The following IMMP2L variants were observed in gnomAD, a reference collection of about 807,000 sequenced individuals.
The protein encoded by IMMP2L is mitochondrial inner membrane protease subunit 2.
A neutral mutation model predicts 19.3 loss-of-function variants in IMMP2L; 18 were observed. The ratio of observed to expected loss-of-function variants is 0.93; its 90% confidence interval spans 0.64 to 1.38. IMMP2L has a LOEUF of 1.38. Ranked by LOEUF, IMMP2L falls within the 40% of genes most tolerant of loss-of-function variation. The pLI, the probability that IMMP2L is intolerant of heterozygous loss-of-function variation, is 0.00. For missense variants in IMMP2L, 233 were observed against 218.2 expected (o/e 1.07, Z -0.43); for synonymous variants, 76 against 73.0 (o/e 1.04, Z -0.21).
intron 3 of IMMP2L, among the ~76,000 whole-genome samples, chr7:111,309,510 C>A (rs6962665): frequency 0.31 from 47,281 of 151,794 alleles, 8,030 homozygotes; most frequent in South Asian, 0.59. Flanking sequence ...TCTCCCTGGT[C>A]AAAGAATTGA....
At chr7:111,111,656 T>C (rs878953762) in intron 3 of IMMP2L, among the ~76,000 whole-genome samples, 3 of 152,018 alleles carry the variant, frequency 2.0e-5, no homozygotes, top group Admixed American at 2.0e-4. Context: ...AATCAACTAA[T>C]GTCCCCCCCT....
At chr7:110,868,496 T>C (rs978921807) in intron 5 of IMMP2L, among the ~76,000 whole-genome samples, 3 of 152,072 alleles carry the variant, frequency 2.0e-5, no homozygotes, top group African/African-American at 4.8e-5. Context: ...GTTCAAATCA[T>C]AGCAAATTTA....
intron 3 of IMMP2L, among the ~76,000 whole-genome samples, chr7:111,180,071 T>A (rs1051502662): frequency 6.6e-6 from 1 of 152,036 alleles, no homozygotes; most frequent in Admixed American, 6.6e-5. Flanking sequence ...TTTCTCCATA[T>A]CAGCAATAAG....
chr7:111,106,710 A>G, intron 3 of IMMP2L, among the ~76,000 whole-genome samples: 1 of 148,166 alleles, frequency 6.7e-6, no homozygotes, highest in Non-Finnish European at 1.5e-5. Flanking sequence ...TCTAGGATGC[A>G]CATAAAAACT....
At chr7:110,838,071 T>A (rs949230366) in intron 5 of IMMP2L, among the ~76,000 whole-genome samples, 2 of 152,142 alleles carry the variant, frequency 1.3e-5, no homozygotes, top group African/African-American at 2.4e-5. Context: ...AAGATATGCA[T>A]TTAACATCAT....
chr7:110,678,991 C>A (rs1242179784), intron 5 of IMMP2L, among the ~76,000 whole-genome samples: 2 of 152,098 alleles, frequency 1.3e-5, no homozygotes, highest in Non-Finnish European at 2.9e-5. Context: ...TAACTTTAAT[C>A]ATTTCAAAGC....
At chr7:110,951,267 T>C (rs1043367083) in intron 4 of IMMP2L, among the ~76,000 whole-genome samples, 1 of 150,650 alleles carries the variant, frequency 6.6e-6, no homozygotes, top group Non-Finnish European at 1.5e-5. Context: ...GTAGATCTCA[T>C]ATAAAGTATT....
chr7:111,190,033 C>A (rs543033331), intron 3 of IMMP2L, among the ~76,000 whole-genome samples: 3 of 152,020 alleles, frequency 2.0e-5, no homozygotes, highest in African/African-American at 7.2e-5. Flanking sequence ...ATTAACATGG[C>A]CAGTTGACAG....
At chr7:111,294,602 A>G (rs1412796594) in intron 3 of IMMP2L, among the ~76,000 whole-genome samples, 2 of 151,876 alleles carry the variant, frequency 1.3e-5, no homozygotes, top group Admixed American at 6.6e-5. Flanking sequence ...CGTGGCAACA[A>G]AACCATCAGG....
At chr7:110,959,587 G>T (rs1818721542) in intron 4 of IMMP2L, among the ~76,000 whole-genome samples, 1 of 151,964 alleles carries the variant, frequency 6.6e-6, no homozygotes, top group African/African-American at 2.4e-5. Flanking sequence ...CAAAGGGAAA[G>T]AAGTTTTTAA....
intron 2 of IMMP2L, chr7:111,492,384 G>A: frequency 1.0e-6 from 1 of 983,948 alleles, no homozygotes; most frequent in Non-Finnish European, 1.2e-6. Flanking sequence ...CATAAGTCAG[G>A]TCCAGTTTCT....
intron 4 of IMMP2L, among the ~76,000 whole-genome samples, chr7:110,929,769 A>T (rs1815268636): frequency 6.6e-6 from 1 of 152,202 alleles, no homozygotes; most frequent in African/African-American, 2.4e-5. Flanking sequence ...AAATAACAAA[A>T]AGGTTTTGCA....
At chr7:110,866,451 C>T (rs1807990771) in intron 5 of IMMP2L, among the ~76,000 whole-genome samples, 4 of 151,680 alleles carry the variant, frequency 2.6e-5, no homozygotes, top group Admixed American at 2.6e-4. Flanking sequence ...TCCAGGAACT[C>T]AGTACCAACT....
intron 3 of IMMP2L, among the ~76,000 whole-genome samples, chr7:111,185,007 G>A (rs1808112209): frequency 6.6e-6 from 1 of 152,174 alleles, no homozygotes; most frequent in South Asian, 2.1e-4. Context: ...TTTCGAGATA[G>A]TTACTGTTTT....
chr7:111,417,639 T>C (rs1585021291), intron 3 of IMMP2L, among the ~76,000 whole-genome samples: 1 of 151,662 alleles, frequency 6.6e-6, no homozygotes, highest in Non-Finnish European at 1.5e-5. Context: ...TTGTGGCAAA[T>C]GGGAGAGAAG....
chr7:110,886,290 C>T (rs1810211652), intron 5 of IMMP2L, among the ~76,000 whole-genome samples: 1 of 151,674 alleles, frequency 6.6e-6, no homozygotes, highest in Non-Finnish European at 1.5e-5. Context: ...AAAGTATTCC[C>T]GTGGGAGAAA....
At chr7:111,018,859 G>C (rs1825984376) in intron 3 of IMMP2L, among the ~76,000 whole-genome samples, 1 of 147,152 alleles carries the variant, frequency 6.8e-6, no homozygotes, top group African/African-American at 2.5e-5. Flanking sequence ...TATTTTTTAT[G>C]AATACTCATT....
At chr7:111,357,252 A>G (rs998047858) in intron 3 of IMMP2L, among the ~76,000 whole-genome samples, 8 of 152,192 alleles carry the variant, frequency 5.3e-5, no homozygotes, top group Admixed American at 5.2e-4. Flanking sequence ...ATTTTTAAAT[A>G]CCATGCAGCA....
At position 111,043,780 on chromosome 7, in the gene IMMP2L, A is replaced by G. The variant is rs532856222; in HGVS notation, c.240-80215T>C. Among the ~76,000 whole-genome samples, 7 of 152,332 alleles carry G rather than the reference A, an allele frequency of 4.6e-5. No individual in the cohort carries two copies. The South Asian group carries it at 1.2e-3, about 27-fold the overall frequency. On this transcript the variant is annotated intron_variant, in intron 3 of 5. Transcript: ENST00000405709. ...CTTAGTTAATATGTACTAGACAAGA[A>G]AGTAGCTTAGAAGACAATGCTTTTA...
Sources: gnomAD v4.1 joint callset for allele counts (sites outside exome capture counted in the v4.1 genomes callset) on GRCh38, gnomAD v4.1.1 for gene constraint, MANE v1.5 for transcripts, NCBI Gene and HGNC (gene_info 2026-07-23, HGNC 2026-07-21) for gene names.